The following ZC3H7A variants were observed in gnomAD, a reference collection of about 807,000 sequenced individuals.
ZC3H7A encodes zinc finger CCCH-type containing 7A.
Under a neutral mutation model 125.5 loss-of-function variants are expected in ZC3H7A, and 44 were observed. That is an observed-to-expected ratio of 0.35 (90% confidence interval 0.28 to 0.45). ZC3H7A has a LOEUF of 0.45. Ranked by LOEUF, ZC3H7A falls within the 20% of genes least tolerant of loss-of-function variation. The probability of loss-of-function intolerance (pLI) is 1.00; values close to 1 mark genes in which losing one functional copy is unlikely to be tolerated. For synonymous variants in ZC3H7A, 399 were observed against 391.2 expected, an observed-to-expected ratio of 1.02 and a Z score of -0.23; for missense variants, 977 against 1,170.7, an observed-to-expected ratio of 0.83 and a Z score of 2.41.
intron 10 of ZC3H7A, 97 bp downstream of exon 10, chr16:11,770,686 T>A: frequency 1.8e-6 from 2 of 1,107,362 alleles, no homozygotes; most frequent in South Asian, 1.6e-5. Flanking sequence ...ATAATTCACA[T>A]GTCTACTACC....
At position 11,758,458 on chromosome 16, in the gene ZC3H7A, C is replaced by T. The variant is rs781424876; in HGVS notation, c.2401G>A (p.Val801Ile). Residue 801 changes from valine (V) to isoleucine (I), a missense_variant, in exon 20 of 23, where the codon GTT becomes ATT. By Grantham distance (29) the Val-to-Ile change is conservative. This residue lies in a region of ZC3H7A where 436 missense variants were observed against 603.2 expected (regional missense o/e 0.72). Transcript: ENST00000355758. ...CCATTCTCCTTCATGTAAGTCCAAA[C>T]TTCTCTTTCCTCAGGACTATGAGCA... Reference protein sequence around the residue: ...SFAHSPEEREVWTYMKENGIQ... With the variant: ...SFAHSPEEREIWTYMKENGIQ... The T allele has an allele frequency of 2.5e-6, 4 of 1,613,622 alleles. No homozygotes were observed. Among genetic ancestry groups the T allele is most frequent in the African/African-American group, 1.3e-5 (1 of 74,924 alleles).
intron 12 of ZC3H7A, among the ~76,000 whole-genome samples, chr16:11,767,913 CA>C (rs2052889585): frequency 6.6e-6 from 1 of 152,056 alleles, no homozygotes; most frequent in Non-Finnish European, 1.5e-5. Flanking sequence ...ACATATGAAA[CA>C]AGCTAACAGA....
At chr16:11,778,136 C>G (rs1347695980) in intron 4 of ZC3H7A, among the ~76,000 whole-genome samples, 4 of 150,628 alleles carry the variant, frequency 2.7e-5, no homozygotes, top group Admixed American at 2.0e-4. Flanking sequence ...ATTACTATTT[C>G]TTGATTTAAA....
chr16:11,762,075 T>G (rs777507441), intron 17 of ZC3H7A, 32 bp from the exon 18 acceptor site: 1 of 1,546,662 alleles, frequency 6.5e-7, no homozygotes, highest in Non-Finnish European at 8.7e-7. Flanking sequence ...TTTTAATTTT[T>G]TTAACAGAAA....
At chr16:11,780,712 A>G (rs2053160889) in intron 3 of ZC3H7A, among the ~76,000 whole-genome samples, 1 of 152,124 alleles carries the variant, frequency 6.6e-6, no homozygotes, top group African/African-American at 2.4e-5. Context: ...AGAGAAGAAA[A>G]GGGGAGGAGG....
rs2141181540 is a variant in ZC3H7A, at chr16:11,767,489, C to T, written c.1450G>A (p.Asp484Asn). ...ILIGRIKNVEDKSWKKIRPRP... is the reference protein window; with the variant it reads ...ILIGRIKNVENKSWKKIRPRP... ...GGACGTATTTTTTTCCATGATTTAT[C>T]TTCAACATTCTTTATCCTACCGATT... The change falls in exon 13 of 23, where the codon GAT becomes AAT. Residue 484 changes from aspartate (D) to asparagine (N), a missense_variant. By Grantham distance (23) the Asp-to-Asn change is conservative. Coordinates refer to ENST00000355758, the MANE Select transcript of ZC3H7A (RefSeq NM_014153.4). The T allele has an allele frequency of 6.2e-7, 1 of 1,611,492 alleles. No individual in the cohort carries two copies. Among genetic ancestry groups the T allele is most frequent in the South Asian group, 1.1e-5 (1 of 90,808 alleles).
intron 4 of ZC3H7A, among the ~76,000 whole-genome samples, chr16:11,778,555 C>T (rs990881406): frequency 1.3e-5 from 2 of 151,742 alleles, no homozygotes; most frequent in Non-Finnish European, 2.9e-5. Flanking sequence ...GAAAGACACA[C>T]TGACCTGTGA....
rs144988203 is a variant in ZC3H7A, at chr16:11,774,768, G to T, written c.619+212C>A. Among the ~76,000 whole-genome samples, 188 of 152,344 alleles carry T rather than the reference G, an allele frequency of 1.2e-3. 1 individual carries two copies. Among genetic ancestry groups the T allele is most frequent in the African/African-American group, 4.2e-3 (173 of 41,584 alleles). On this transcript the variant is annotated intron_variant, in intron 8 of 22. Transcript: ENST00000355758. ...AGTGGCAAGGCCACAGTGGGTGTCA[G>T]TGATTGCTTACTAACATCCAACACT...
intron 3 of ZC3H7A, among the ~76,000 whole-genome samples, chr16:11,780,530 G>T (rs904377943): frequency 2.0e-5 from 3 of 152,140 alleles, no homozygotes; most frequent in Non-Finnish European, 4.4e-5. Context: ...TATTTTAGCT[G>T]ATTAAATTAT....
At chr16:11,789,415 T>C (rs901706695) in intron 1 of ZC3H7A, among the ~76,000 whole-genome samples, 12 of 152,098 alleles carry the variant, frequency 7.9e-5, no homozygotes, top group African/African-American at 2.6e-4. Flanking sequence ...TCACCAGGCC[T>C]GGCTAATTTT....
At chr16:11,767,655 C>T (rs2052884456) in intron 12 of ZC3H7A, 77 bp from the exon 13 acceptor site, 1 of 1,357,090 alleles carries the variant, frequency 7.4e-7, no homozygotes, top group Non-Finnish European at 9.9e-7. Flanking sequence ...TACAAGCAGA[C>T]ATGAACAGAT....
chr16:11,784,553 T>G (rs1413344619), intron 1 of ZC3H7A, among the ~76,000 whole-genome samples: 1 of 151,402 alleles, frequency 6.6e-6, no homozygotes, highest in African/African-American at 2.4e-5. Context: ...ACCCCCTATC[T>G]CTACAAAAAA....
intron 19 of ZC3H7A, chr16:11,758,937 G>C (rs562766364): frequency 3.9e-5 from 8 of 204,956 alleles, no homozygotes; most frequent in Non-Finnish European, 7.8e-5. Context: ...GAAACTGCAG[G>C]CTACTCCAAA....
intron 19 of ZC3H7A, among the ~76,000 whole-genome samples, chr16:11,761,064 T>C (rs1226779549): frequency 1.3e-5 from 2 of 152,178 alleles, no homozygotes; most frequent in African/African-American, 4.8e-5. Context: ...AACCTGAGGT[T>C]TGGTATCAAA....
intron 1 of ZC3H7A, among the ~76,000 whole-genome samples, chr16:11,790,005 C>T (rs993397110): frequency 6.8e-6 from 1 of 147,250 alleles, no homozygotes; most frequent in Non-Finnish European, 1.5e-5. Context: ...AGCTAGAACC[C>T]GGGAGGTGCA....
Position 11,765,659 on chromosome 16 carries a change from A to G in ZC3H7A, c.1549T>C (p.Tyr517His). The G allele has an allele frequency of 6.2e-7, 1 of 1,613,610 alleles. No homozygotes were observed. Among genetic ancestry groups the G allele is most frequent in the South Asian group, 1.1e-5 (1 of 90,986 alleles). The change falls in exon 14 of 23, where the codon TAT (tyrosine) becomes CAT (histidine). Residue 517 changes from tyrosine (Y) to histidine (H), a missense_variant. Physicochemically the swap from Tyr to His is moderately conservative, Grantham distance 83 (BLOSUM62 2). This residue lies in a region of ZC3H7A where 436 missense variants were observed against 603.2 expected (regional missense o/e 0.72). Transcript: ENST00000355758. This position sits in a 1 kb window ranked among gnomAD's most constrained non-coding sequence, Gnocchi z 4.8. ...TAAGCAAACGTGCAGTGGCCTGAATATCTACATTCCTCCTCAGCAGCAACA... is the reference window on the plus strand; with the variant it reads ...TAAGCAAACGTGCAGTGGCCTGAATGTCTACATTCCTCCTCAGCAGCAACA... ...KDVAAEEECRYSGHCTFAYCQ... is the reference protein window; with the variant it reads ...KDVAAEEECRHSGHCTFAYCQ...
At position 11,762,707 on chromosome 16, in the gene ZC3H7A, A is replaced by G. The variant is rs753810701; in HGVS notation, c.2043T>C (p.Tyr681=). The change falls in exon 17 of 23, where the codon TAT becomes TAC. Residue 681 remains tyrosine (Y), a synonymous_variant. Transcript: ENST00000355758. The part of the protein sequence containing the change: ...HDAIAQESKR[Y]WQNLEANVPG... The stretch of plus-strand genomic sequence containing the variant: ...GTACATTTGCTTCCAAATTCTGCCA[A>G]TATCGTTTAGACTCTTGAGCAATAG... 4 of 1,614,064 alleles carry G rather than the reference A, an allele frequency of 2.5e-6. No individual in the cohort carries two copies. The highest frequency in any genetic ancestry group is 2.5e-6 in the Non-Finnish European group (3 of 1,180,028).
In ZC3H7A at chr16:11,765,999, T is replaced by G. The variant is rs781155710; in HGVS notation, c.1523-314A>C. On this transcript the variant is annotated intron_variant, in intron 13 of 22. Transcript: ENST00000355758. This position sits in a 1 kb window ranked among gnomAD's most constrained non-coding sequence, Gnocchi z 4.8. ...GATATGCATATTATCTGGGGATGGA[T>G]CGTATCAACTCTAAAAAAGAGAAGT... 2.7e-4 allele frequency among the ~76,000 whole-genome samples: 41 copies of G among 152,064 alleles called. No individual in the cohort carries two copies. The highest frequency in any genetic ancestry group is 5.4e-4 in the Non-Finnish European group (37 of 68,024).
intron 17 of ZC3H7A, among the ~76,000 whole-genome samples, chr16:11,762,442 A>G (rs2052768303): frequency 6.6e-6 from 1 of 152,188 alleles, no homozygotes; most frequent in Non-Finnish European, 1.5e-5. Context: ...CAATTAAACT[A>G]AATAAGAAAA....
Sources: allele counts gnomAD v4.1 joint callset (sites outside exome capture counted in the v4.1 genomes callset), GRCh38; gene constraint gnomAD v4.1.1; regional missense constraint gnomAD v4.1.1; non-coding constraint Gnocchi (gnomAD v3.1); transcripts MANE v1.5; gene names NCBI Gene and HGNC (gene_info 2026-07-23, HGNC 2026-07-21).